TAFA4: variants seen among roughly 807,000 people sequenced by gnomAD.
The protein encoded by TAFA4 is TAFA chemokine like family member 4.
A neutral mutation model predicts 21.1 loss-of-function variants in TAFA4; 20 were observed. The ratio of observed to expected loss-of-function variants is 0.95; its 90% CI spans 0.67 to 1.38. The LOEUF (loss-of-function observed/expected upper bound fraction) is 1.38, where lower values mean the gene tolerates loss of function less well. Ranked by LOEUF, TAFA4 falls within the 40% of genes most tolerant of loss-of-function variation. The probability of loss-of-function intolerance (pLI) is 0.00; values close to 1 mark genes in which losing one functional copy is unlikely to be tolerated. For synonymous variants in TAFA4, 71 were observed against 67.4 expected (o/e 1.05, Z -0.26); for missense variants, 211 against 180.9 (o/e 1.17, Z -0.95).
At chr3:68,788,457 A>C (rs1315646421) in intron 3 of TAFA4, among the ~76,000 whole-genome samples, 1 of 152,196 alleles carries the variant, frequency 6.6e-6, no homozygotes, top group Non-Finnish European at 1.5e-5. Flanking sequence ...TGCTGTGCAG[A>C]AACTTTTAGT....
intron 3 of TAFA4, among the ~76,000 whole-genome samples, chr3:68,798,342 G>A (rs973130650): frequency 1.3e-5 from 2 of 152,164 alleles, no homozygotes; most frequent in South Asian, 2.1e-4. Context: ...TAATTATGGA[G>A]CAAAGAAAAT....
chr3:68,816,531 C>A (rs1703980055), intron 3 of TAFA4, among the ~76,000 whole-genome samples: 1 of 152,058 alleles, frequency 6.6e-6, no homozygotes, highest in Non-Finnish European at 1.5e-5. Context: ...TACAGAAATG[C>A]TGATTTTTGT....
At chr3:68,793,900 C>A (rs1401804005) in intron 3 of TAFA4, among the ~76,000 whole-genome samples, 2 of 152,092 alleles carry the variant, frequency 1.3e-5, no homozygotes, top group African/African-American at 4.8e-5. Context: ...ATGGTGTAAT[C>A]AAAAAATGTG....
At chr3:68,824,118 C>A (rs1204991531) in intron 3 of TAFA4, among the ~76,000 whole-genome samples, 1 of 152,128 alleles carries the variant, frequency 6.6e-6, no homozygotes, top group South Asian at 2.1e-4. Flanking sequence ...TAAATAACTG[C>A]CCTAAGTTAT....
chr3:68,797,689 G>A (rs1703479191), intron 3 of TAFA4, among the ~76,000 whole-genome samples: 1 of 150,542 alleles, frequency 6.6e-6, no homozygotes, highest in Non-Finnish European at 1.5e-5. Flanking sequence ...TATTATCTAA[G>A]TGAAATAAGC....
At chr3:68,930,731 C>A (rs1449277106) in intron 1 of TAFA4, among the ~76,000 whole-genome samples, 1 of 152,154 alleles carries the variant, frequency 6.6e-6, no homozygotes, top group Admixed American at 6.5e-5. Flanking sequence ...TTATTAAGGC[C>A]TGTATTTCCC....
At chr3:68,819,582 A>G (rs185931919) in intron 3 of TAFA4, among the ~76,000 whole-genome samples, 30 of 152,360 alleles carry the variant, frequency 2.0e-4, no homozygotes, top group African/African-American at 7.0e-4. Flanking sequence ...ACCAAAATAT[A>G]TAAGAACTCA....
At chr3:68,863,862 A>G (rs1409731293) in intron 3 of TAFA4, among the ~76,000 whole-genome samples, 3 of 152,144 alleles carry the variant, frequency 2.0e-5, no homozygotes, top group African/African-American at 7.2e-5. Context: ...AAGTATTCTC[A>G]GCAACTTCAC....
chr3:68,798,153 T>C lies in TAFA4; in HGVS notation c.131-45135A>G, dbSNP rs569725831. Among the ~76,000 whole-genome samples the C allele has an allele frequency of 5.3e-4, 80 of 152,342 alleles. 1 individual carries two copies. In the South Asian group the frequency reaches 0.016, roughly 30 times the overall value. On this transcript the variant is annotated intron_variant, in intron 3 of 5. Coordinates refer to ENST00000295569, the MANE Select transcript of TAFA4 (RefSeq NM_182522.5). The stretch of plus-strand genomic sequence containing the variant: ...AAGGTGGCATGGCAATATTCTTTCC[T>C]CTTTTATGATACCTAGGTACCAAAA...
intron 1 of TAFA4, among the ~76,000 whole-genome samples, chr3:68,902,660 G>T (rs547235829): frequency 2.0e-5 from 3 of 152,302 alleles, no homozygotes; most frequent in East Asian, 3.9e-4. Context: ...GAGCCACTGT[G>T]TCCAGCCTCA....
At chr3:68,748,404 G>C (rs1023771335) in intron 4 of TAFA4, among the ~76,000 whole-genome samples, 2 of 152,190 alleles carry the variant, frequency 1.3e-5, no homozygotes, top group African/African-American at 4.8e-5. Context: ...AAACTTGTCT[G>C]CAGTCCACAC....
intron 3 of TAFA4, among the ~76,000 whole-genome samples, chr3:68,865,948 C>T (rs1487547519): frequency 6.6e-6 from 1 of 152,056 alleles, no homozygotes; most frequent in Non-Finnish European, 1.5e-5. Flanking sequence ...AAAATTCACC[C>T]AGATTTATGA....
intron 3 of TAFA4, among the ~76,000 whole-genome samples, chr3:68,804,833 C>A (rs1703658993): frequency 6.6e-6 from 1 of 152,094 alleles, no homozygotes; most frequent in Non-Finnish European, 1.5e-5. Context: ...CATGTTAGAC[C>A]TAAAACCATA....
intron 3 of TAFA4, among the ~76,000 whole-genome samples, chr3:68,862,097 C>T (rs1172984356): frequency 3.3e-5 from 5 of 151,980 alleles, no homozygotes; most frequent in African/African-American, 1.2e-4. Context: ...CAAGTGACCA[C>T]CACACGCTTT....
At chr3:68,839,995 G>A (rs913270027) in intron 3 of TAFA4, among the ~76,000 whole-genome samples, 2 of 152,102 alleles carry the variant, frequency 1.3e-5, no homozygotes, top group Non-Finnish European at 2.9e-5. Context: ...GCTGTCTTAC[G>A]CCCTCCTCTT....
chr3:68,822,877 C>T (rs1283076342), intron 3 of TAFA4, among the ~76,000 whole-genome samples: 3 of 152,146 alleles, frequency 2.0e-5, no homozygotes, highest in Non-Finnish European at 4.4e-5. Flanking sequence ...TGTTTATTTG[C>T]TAACTCATCT....
chr3:68,769,210 C>T (rs534488137), intron 3 of TAFA4, among the ~76,000 whole-genome samples: 13 of 152,214 alleles, frequency 8.5e-5, no homozygotes, highest in East Asian at 7.7e-4. Flanking sequence ...CTAGGTTGCA[C>T]GCTCCTTATG....
intron 3 of TAFA4, among the ~76,000 whole-genome samples, chr3:68,849,648 A>C (rs1216900181): frequency 6.6e-6 from 1 of 152,194 alleles, no homozygotes; most frequent in African/African-American, 2.4e-5. Flanking sequence ...CCACCTAACC[A>C]GGTCTGCCAG....
chr3:68,884,134 A>C (rs1374261267), intron 2 of TAFA4, among the ~76,000 whole-genome samples: 1 of 150,206 alleles, frequency 6.7e-6, no homozygotes, highest in Non-Finnish European at 1.5e-5. Flanking sequence ...GTTTATTTTA[A>C]ATATATGAAT....
Sources: allele counts gnomAD v4.1 joint callset (sites outside exome capture counted in the v4.1 genomes callset), GRCh38; gene constraint gnomAD v4.1.1; transcripts MANE v1.5; gene names NCBI Gene and HGNC (gene_info 2026-07-23, HGNC 2026-07-21).